Variants in NRDC observed in about 807,000 individuals in gnomAD.
The protein encoded by NRDC is nardilysin convertase, also known as nardilysin.
In NRDC, 54 loss-of-function variants were observed where a neutral mutation model predicts 147.1. The observed-to-expected ratio is 0.37, with a 90% CI of 0.29 to 0.46. The LOEUF (loss-of-function observed/expected upper bound fraction) is 0.46, where lower values mean the gene tolerates loss of function less well. Among genes scored for constraint, NRDC ranks in the 20% least tolerant of loss-of-function variants. The pLI is 1.00. For synonymous variants in NRDC, 440 were observed against 482.1 expected, an observed-to-expected ratio of 0.91 and a Z score of 1.14; for missense variants, 1,082 against 1,370.6, an observed-to-expected ratio of 0.79 and a Z score of 3.33.
At chr1:51,821,206 C>A (rs1571867897) in intron 8 of NRDC, among the ~76,000 whole-genome samples, 1 of 152,048 alleles carries the variant, frequency 6.6e-6, no homozygotes, top group Non-Finnish European at 1.5e-5. Context: ...ATAGTATTTT[C>A]TTTCGTATCA....
At chr1:51,841,687 TAAGGATAAA>T (rs1250179526) in intron 1 of NRDC, among the ~76,000 whole-genome samples, 6 of 152,164 alleles carry the variant, frequency 3.9e-5, no homozygotes, top group Admixed American at 3.3e-4. Flanking sequence ...CATGCTGCAT[TAAGGATAAA>T]AAGGATAAAA....
At chr1:51,832,382 T>TA (rs973805193) in intron 4 of NRDC, among the ~76,000 whole-genome samples, 82 of 152,264 alleles carry the variant, frequency 5.4e-4, no homozygotes, top group African/African-American at 1.6e-3. Context: ...CTATCATGTT[T>TA]AAAAAAAATT....
chr1:51,791,132 G>T (rs989185534), intron 27 of NRDC, 142 bp from the exon 28 acceptor site: 2 of 632,662 alleles, frequency 3.2e-6, no homozygotes, highest in Non-Finnish European at 5.5e-6. Flanking sequence ...GTTTTCCCAG[G>T]CCTCAGTATT....
intron 6 of NRDC, 65 bp from the exon 7 acceptor site, chr1:51,823,851 A>T: frequency 8.8e-7 from 1 of 1,138,034 alleles, no homozygotes; most frequent in Non-Finnish European, 1.3e-6. Context: ...CTTCTACATC[A>T]TCAATGCATA....
At chr1:51,871,048 G>A (rs1683063168) in intron 1 of NRDC, among the ~76,000 whole-genome samples, 1 of 152,050 alleles carries the variant, frequency 6.6e-6, no homozygotes, top group East Asian at 1.9e-4. Flanking sequence ...CGGGCGTGGT[G>A]CCTCAGGCCT....
chr1:51,827,901 T>C, intron 4 of NRDC, 32 bp from the exon 5 acceptor site: 4 of 1,561,660 alleles, frequency 2.6e-6, no homozygotes, highest in Middle Eastern at 1.7e-4. Context: ...CATTTCCGTT[T>C]TTGTTCACTT....
chr1:51,821,423 A>C, intron 8 of NRDC, 75 bp downstream of exon 8: 1 of 987,724 alleles, frequency 1.0e-6, no homozygotes, highest in African/African-American at 1.6e-5. Context: ...AAAAGCAAAA[A>C]ACCTTTGGGA....
At chr1:51,816,103 C>T in intron 11 of NRDC, 1 of 305,878 alleles carries the variant, frequency 3.3e-6, no homozygotes, top group South Asian at 1.6e-4. Flanking sequence ...TAACTTCCAA[C>T]AATGGGCTAA....
At chr1:51,831,479 T>C (rs553561835) in intron 4 of NRDC, among the ~76,000 whole-genome samples, 2 of 152,302 alleles carry the variant, frequency 1.3e-5, no homozygotes, top group South Asian at 4.1e-4. Flanking sequence ...TTCTTCAAAG[T>C]TGTATGGTTA....
At chr1:51,849,660 CA>C (rs547196925) in intron 1 of NRDC, among the ~76,000 whole-genome samples, 163 of 150,372 alleles carry the variant, frequency 1.1e-3, no homozygotes, top group African/African-American at 3.9e-3. Flanking sequence ...ACTAAAAATA[CA>C]AAAAATTAGC....
intron 13 of NRDC, 66 bp from the exon 14 acceptor site, chr1:51,814,155 G>A (rs986095977): frequency 1.5e-5 from 14 of 963,874 alleles, no homozygotes; most frequent in South Asian, 4.0e-5. Context: ...GGAGAAGGGC[G>A]GGAGGAGGGA....
intron 1 of NRDC, among the ~76,000 whole-genome samples, chr1:51,854,854 T>G (rs531023259): frequency 1.6e-4 from 24 of 152,298 alleles, no homozygotes; most frequent in African/African-American, 5.5e-4. Flanking sequence ...CTCCAGTTGT[T>G]TTTCAGAAAC....
At chr1:51,820,989 C>T (rs767353675) in intron 8 of NRDC, among the ~76,000 whole-genome samples, 1 of 152,042 alleles carries the variant, frequency 6.6e-6, no homozygotes, top group Non-Finnish European at 1.5e-5. Flanking sequence ...ACTCGACATA[C>T]AATTTCTTAT....
At chr1:51,836,534 A>G in intron 2 of NRDC, 1 of 1,096,146 alleles carries the variant, frequency 9.1e-7, no homozygotes, top group East Asian at 2.6e-5. Context: ...ATAATTCTGA[A>G]CCAAGTTTTT....
chr1:51,864,386 C>T (rs1280829114), intron 1 of NRDC, among the ~76,000 whole-genome samples: 1 of 152,052 alleles, frequency 6.6e-6, no homozygotes, highest in Non-Finnish European at 1.5e-5. Flanking sequence ...AAAACAATTC[C>T]ATCATTCTTA....
chr1:51,830,299 G>T lies in NRDC; in HGVS notation c.867-2430C>A, dbSNP rs1039005448. 3.3e-5 allele frequency among the ~76,000 whole-genome samples: 5 copies of T among 152,248 alleles called. 1 individual carries two copies. Among genetic ancestry groups the T allele is most frequent in the Middle Eastern group, 6.8e-3 (2 of 294 alleles). ...AAAAATAGAAAGTATAATTATTTTA[G>T]AAATTGTGTGTAACTATGCCAGTAC... is the stretch of plus-strand genomic sequence containing the variant. On this transcript the variant is annotated intron_variant, in intron 4 of 30. Coordinates refer to ENST00000352171, the MANE Select transcript of NRDC (RefSeq NM_001101662.2).
intron 1 of NRDC, among the ~76,000 whole-genome samples, chr1:51,841,638 C>G (rs1471774350): frequency 1.3e-5 from 2 of 152,152 alleles, no homozygotes; most frequent in Non-Finnish European, 2.9e-5. Flanking sequence ...TGTATTTATT[C>G]AATAAACATT....
At chr1:51,819,686 C>A in intron 9 of NRDC, 114 bp downstream of exon 9, 1 of 792,910 alleles carries the variant, frequency 1.3e-6, no homozygotes, top group Non-Finnish European at 2.0e-6. Flanking sequence ...CCTTTCCAAC[C>A]CAGCTGTATT....
chr1:51,790,718 C>T (rs1246280407), intron 28 of NRDC, 69 bp from the exon 29 acceptor site: 8 of 1,165,314 alleles, frequency 6.9e-6, no homozygotes, highest in East Asian at 2.3e-5. Context: ...ACACTGGGCC[C>T]TGTCCAGCCC....
Sources: gnomAD v4.1 joint callset for allele counts (sites outside exome capture counted in the v4.1 genomes callset) on GRCh38, gnomAD v4.1.1 for gene constraint, MANE v1.5 for transcripts, NCBI Gene and HGNC (gene_info 2026-07-23, HGNC 2026-07-21) for gene names.